Variants in AFF1 observed in about 807,000 individuals in gnomAD.
AFF1 encodes the protein ALF transcription elongation factor 1.
AFF1 carries 48 observed loss-of-function variants against 121.7 expected under a neutral mutation model. That is an observed-to-expected ratio of 0.39 (90% CI 0.31 to 0.50). The LOEUF is 0.50. Among genes scored for constraint, AFF1 ranks in the 20% least tolerant of loss-of-function variants. The probability of loss-of-function intolerance (pLI) is 0.76; values close to 1 mark genes in which losing one functional copy is unlikely to be tolerated. For synonymous variants in AFF1, 613 were observed against 563.0 expected (o/e 1.09, Z -1.26); for missense variants, 1,523 against 1,511.7 (o/e 1.01, Z -0.12).
Position 87,125,016 on chromosome 4 carries a change from TTGC to T in AFF1, c.2467-18_2467-16del. On this transcript the variant is annotated intron_variant, in intron 12 of 20. Transcript: ENST00000395146. The stretch of plus-strand genomic sequence containing the variant: ...ACAATTATGTTGGTAATAATTTGCT[TTGC>T]TGATTATACTGTAATAGGGTGAAGC... 1 of 1,546,454 alleles carries T rather than the reference TTGC, an allele frequency of 6.5e-7. No homozygotes were observed. Among genetic ancestry groups the T allele is most frequent in the Non-Finnish European group, 8.7e-7 (1 of 1,143,982 alleles).
intron 4 of AFF1, chr4:87,047,969 G>A (rs1313506973): frequency 1.5e-5 from 4 of 261,974 alleles, no homozygotes; most frequent in African/African-American, 6.7e-5. Flanking sequence ...AAGGTTTTCA[G>A]GTGTCTTATT....
At position 87,008,319 on chromosome 4, in the gene AFF1, G is replaced by A. The variant is rs574592555; in HGVS notation, c.39-37847G>A. Among the ~76,000 whole-genome samples the A allele has an allele frequency of 7.9e-5, 12 of 152,274 alleles. No homozygotes were observed. In the East Asian group the frequency reaches 2.3e-3, roughly 29 times the overall value. On this transcript the variant is annotated intron_variant, in intron 2 of 20. Transcript: ENST00000395146. ...TGGGAGGTCTCAGAAGACTTAACAC[G>A]TCTGAAGACTCAGATCATGGAGAGA...
chr4:87,081,196 C>T (rs769936621), intron 4 of AFF1, among the ~76,000 whole-genome samples: 77 of 119,038 alleles, frequency 6.5e-4, no homozygotes, highest in Non-Finnish European at 1.1e-3. Context: ...GAGTCTCACT[C>T]GGTCTCCCAG....
At chr4:87,051,432 C>T (rs1317709140) in intron 4 of AFF1, among the ~76,000 whole-genome samples, 5 of 126,850 alleles carry the variant, frequency 3.9e-5, no homozygotes, top group Admixed American at 8.1e-5. Context: ...TTTTTTTTAA[C>T]GTACTCATTC....
At chr4:86,992,286 AT>A (rs1279762557) in intron 2 of AFF1, among the ~76,000 whole-genome samples, 1 of 152,142 alleles carries the variant, frequency 6.6e-6, no homozygotes, top group Non-Finnish European at 1.5e-5. Context: ...GGATGGTGAC[AT>A]TGTACTTGGC....
intron 2 of AFF1, among the ~76,000 whole-genome samples, chr4:87,033,908 A>G (rs547591850): frequency 1.3e-5 from 2 of 152,274 alleles, no homozygotes; most frequent in East Asian, 3.9e-4. Flanking sequence ...CACTCAACCA[A>G]TATTCATATG....
chr4:86,941,911 A>G (rs1560490115), intron 1 of AFF1, among the ~76,000 whole-genome samples: 1 of 151,858 alleles, frequency 6.6e-6, no homozygotes, highest in African/African-American at 2.4e-5. Flanking sequence ...AGACCCATGG[A>G]GAAATTGTCT....
At chr4:87,092,951 C>T (rs1724463288) in intron 7 of AFF1, among the ~76,000 whole-genome samples, 1 of 152,126 alleles carries the variant, frequency 6.6e-6, no homozygotes, top group Admixed American at 6.5e-5. Context: ...TGCTATGCAC[C>T]ACTCTGCCCC....
chr4:87,108,034 G>T, intron 10 of AFF1, 125 bp from the exon 11 acceptor site: 1 of 978,970 alleles, frequency 1.0e-6, no homozygotes. Context: ...TGGATGACAT[G>T]ATAGTTTAGC....
chr4:87,000,837 G>A (rs1027210962), intron 2 of AFF1, among the ~76,000 whole-genome samples: 14 of 152,062 alleles, frequency 9.2e-5, no homozygotes, highest in African/African-American at 3.1e-4. Flanking sequence ...AAGAGGTAAA[G>A]TTGAGCAGTA....
At chr4:87,054,417 G>T (rs1719881284) in intron 4 of AFF1, among the ~76,000 whole-genome samples, 1 of 152,222 alleles carries the variant, frequency 6.6e-6, no homozygotes, top group African/African-American at 2.4e-5. Context: ...GGATCCCCAA[G>T]ACTCTCCTCC....
At chr4:86,981,604 A>G (rs968038672) in intron 2 of AFF1, among the ~76,000 whole-genome samples, 5 of 152,072 alleles carry the variant, frequency 3.3e-5, no homozygotes, top group Admixed American at 2.0e-4. Context: ...CCTGGCCTCA[A>G]GGGATCCACC....
At chr4:87,108,503 A>T (rs1726154224) in intron 11 of AFF1, among the ~76,000 whole-genome samples, 188 bp downstream of exon 11, 1 of 152,208 alleles carries the variant, frequency 6.6e-6, no homozygotes. Flanking sequence ...CAAATATTTA[A>T]TAAAGGAGAG....
chr4:87,013,106 C>T (rs1005535976), intron 2 of AFF1, among the ~76,000 whole-genome samples: 39 of 135,538 alleles, frequency 2.9e-4, no homozygotes, highest in Non-Finnish European at 5.4e-4. Context: ...TGCAATGGTG[C>T]GATCTCGGCT....
intron 2 of AFF1, among the ~76,000 whole-genome samples, chr4:87,034,971 G>T (rs188492940): frequency 7.5e-4 from 114 of 152,326 alleles, no homozygotes; most frequent in African/African-American, 2.6e-3. Flanking sequence ...CCTCGGAATA[G>T]TCTGTGCCCT....
chr4:86,939,683 A>G (rs1720311287), intron 1 of AFF1, among the ~76,000 whole-genome samples: 1 of 152,180 alleles, frequency 6.6e-6, no homozygotes, highest in Admixed American at 6.5e-5. Context: ...GTCAGAACAT[A>G]CTCATACCAT....
intron 18 of AFF1, 149 bp downstream of exon 18, chr4:87,132,013 A>G: frequency 1.3e-6 from 1 of 796,452 alleles, no homozygotes; most frequent in Non-Finnish European, 1.9e-6. Flanking sequence ...CACTGATAGT[A>G]ATTCTTATAA....
rs747790539 is a variant in AFF1, at chr4:87,141,017, T to A, written c.*5316T>A. ...ATCAAGCTGTAAAAAAACAAAAAAATTAATAAAAATTTCGAGAAATCATTG... is the reference window on the plus strand; with the variant it reads ...ATCAAGCTGTAAAAAAACAAAAAAAATAATAAAAATTTCGAGAAATCATTG... On this transcript the variant is annotated 3_prime_UTR_variant, in exon 21 of 21. Coordinates refer to ENST00000395146, the MANE Select transcript of AFF1 (RefSeq NM_001166693.3). 2.3e-4 allele frequency: 40 copies of A among 177,282 alleles called. No homozygotes were observed. Among genetic ancestry groups the A allele is most frequent in the Non-Finnish European group, 3.9e-4 (32 of 82,204 alleles). The allele number at this position is 177,282 out of a possible 1,614,324, so 11.0% of individuals were successfully genotyped here.
chr4:87,034,545 G>T (rs1285465587), intron 2 of AFF1, among the ~76,000 whole-genome samples: 1 of 152,174 alleles, frequency 6.6e-6, no homozygotes, highest in Non-Finnish European at 1.5e-5. Context: ...TGAATCTGTT[G>T]ATTTAAAACT....
Sources: gnomAD v4.1 joint callset for allele counts (sites outside exome capture counted in the v4.1 genomes callset) on GRCh38, gnomAD v4.1.1 for gene constraint, MANE v1.5 for transcripts, NCBI Gene and HGNC (gene_info 2026-07-23, HGNC 2026-07-21) for gene names.